Variants in OR1A1 observed in about 807,000 individuals in gnomAD.
OR1A1 encodes olfactory receptor family 1 subfamily A member 1.
For missense variants in OR1A1, 391 were observed against 379.9 expected, an observed-to-expected ratio of 1.03 and a Z score of -0.24; for synonymous variants, 145 against 147.8, an observed-to-expected ratio of 0.98 and a Z score of 0.13.
chr17:3,210,120 C>G (rs1302949454), intron 2 of OR1A1, among the ~76,000 whole-genome samples: 3 of 151,864 alleles, frequency 2.0e-5, no homozygotes, highest in Non-Finnish European at 4.4e-5. Context: ...CTAAGTTTCC[C>G]ATATGACAAT....
In OR1A1 at chr17:3,216,542, T is replaced by G. The variant is rs199622010; in HGVS notation, c.922T>G (p.Ser308Ala). The G allele has an allele frequency of 9.9e-6, 16 of 1,610,092 alleles. No individual in the cohort carries two copies. Among genetic ancestry groups the G allele is most frequent in the South Asian group, 9.9e-5 (9 of 90,748 alleles). The change falls in exon 4 of 4, where the codon TCC becomes GCC. Residue 308 changes from serine to alanine, a missense_variant. By Grantham distance (99) the Ser-to-Ala change is moderately conservative (BLOSUM62 1). Transcript: ENST00000641732. ...GCGGAAACTCTTCAACAAGAGAATC[T>G]CCTCGTAACCAATGTGAGGGCCTAC... Reference protein sequence around the residue: ...ALRKLFNKRISS With the variant: ...ALRKLFNKRIAS
rs201868792 is a variant in OR1A1, at chr17:3,216,546, C to T, written c.926C>T (p.Ser309Leu). 156 of 1,607,954 alleles carry T rather than the reference C, an allele frequency of 9.7e-5. 1 individual carries two copies. The East Asian group carries it at 1.6e-3, about 17-fold the overall frequency. The change falls in exon 4 of 4, where the codon TCG (serine) becomes TTG (leucine). Residue 309 changes from serine (S) to leucine (L), a missense_variant. Coordinates refer to ENST00000641732, the MANE Select transcript of OR1A1 (RefSeq NM_014565.3). ...LRKLFNKRISS is the reference protein window; with the variant it reads ...LRKLFNKRISL ...AAACTCTTCAACAAGAGAATCTCCT[C>T]GTAACCAATGTGAGGGCCTACATTG...
intron 2 of OR1A1, among the ~76,000 whole-genome samples, chr17:3,211,294 T>C (rs542189047): frequency 6.6e-6 from 1 of 152,274 alleles, no homozygotes; most frequent in East Asian, 1.9e-4. Flanking sequence ...TACCTCACTT[T>C]CTTTCCTCAA....
At chr17:3,208,302 A>T (rs149336643) in intron 1 of OR1A1, among the ~76,000 whole-genome samples, 4 of 152,174 alleles carry the variant, frequency 2.6e-5, no homozygotes, top group African/African-American at 9.6e-5. Flanking sequence ...TGCTTTTCTC[A>T]GTCTTTAGCT....
Position 3,215,791 on chromosome 17 carries a change from C to A in OR1A1, c.171C>A (p.Asn57Lys), listed in dbSNP as rs1372812236. The change falls in exon 4 of 4, where the codon AAC (asparagine) becomes AAA (lysine). Residue 57 changes from asparagine to lysine, a missense_variant. Physicochemically the swap from Asn to Lys is moderately conservative, Grantham distance 94 (BLOSUM62 0). Coordinates refer to ENST00000641732, the MANE Select transcript of OR1A1 (RefSeq NM_014565.3). ...LAICSDVRLH[N>K]PMYFLLANLS... ...TTTGCTCTGATGTTCGCCTTCACAA[C>A]CCCATGTATTTTCTCCTTGCCAACC... The A allele has an allele frequency of 1.9e-6, 3 of 1,614,146 alleles. No individual in the cohort carries two copies. The highest frequency in any genetic ancestry group is 1.7e-4 in the Middle Eastern group (1 of 6,060).
At position 3,211,718 on chromosome 17, in the gene OR1A1, A is replaced by C. The variant is rs1366949119; in HGVS notation, c.-138-749A>C. On this transcript the variant is annotated intron_variant, in intron 2 of 3. Coordinates refer to ENST00000641732, the MANE Select transcript of OR1A1 (RefSeq NM_014565.3). ...TGGTTTGGGGTTGCATTACATTTAG[A>C]GAGTAATTGGAAGAGGACTGACATT... 2.0e-5 allele frequency among the ~76,000 whole-genome samples: 3 copies of C among 152,174 alleles called. No homozygotes were observed. In the East Asian group the frequency reaches 5.8e-4, roughly 29 times the overall value.
At position 3,216,578 on chromosome 17, in the gene OR1A1, G is replaced by A. The variant is rs142284764; in HGVS notation, c.*28G>A. ...AATGTGAGGGCCTACATTGGATACC[G>A]TAGTCACCAGTTACGGTATATTGGA... On this transcript the variant is annotated 3_prime_UTR_variant, in exon 4 of 4. Coordinates refer to ENST00000641732, the MANE Select transcript of OR1A1 (RefSeq NM_014565.3). The A allele has an allele frequency of 5.2e-3, 7,841 of 1,507,278 alleles. 56 individuals carry two copies. Among genetic ancestry groups the A allele is most frequent in the Middle Eastern group, 0.049 (269 of 5,520 alleles). The allele number at this position is 1,507,278 out of a possible 1,614,324, so 93.4% of individuals were successfully genotyped here.
intron 3 of OR1A1, 58 bp from the exon 4 acceptor site, chr17:3,215,558 C>A: frequency 8.1e-7 from 1 of 1,234,876 alleles, no homozygotes; most frequent in Non-Finnish European, 1.2e-6. Flanking sequence ...GAAGGATTAT[C>A]ACTACACACA....
At position 3,217,978 on chromosome 17, in the gene OR1A1, A is replaced by G. The variant is rs1229298655; in HGVS notation, c.*1428A>G. ...GCACAGCAAAAGAAACTATCATCAG[A>G]GTGAACAGGCAACCTACAGAATGGG... On this transcript the variant is annotated 3_prime_UTR_variant, in exon 4 of 4. Transcript: ENST00000641732. The G allele has an allele frequency of 2.0e-5, 3 of 152,234 alleles. No individual in the cohort carries two copies. The highest frequency in any genetic ancestry group is 7.2e-5 in the African/African-American group (3 of 41,458). The allele number at this position is 152,234 out of a possible 1,614,324, so 9.4% of individuals were successfully genotyped here.
rs1202718494 is a variant in OR1A1 at position 3,217,396 on chromosome 17, T to C, written c.*846T>C. Reference sequence around the variant, plus strand: ...CAATGCTATTCCCATCAAACTACCATTGACATTCTTCACAGAATTAGAAAA... The same window carrying C: ...CAATGCTATTCCCATCAAACTACCACTGACATTCTTCACAGAATTAGAAAA... On this transcript the variant is annotated 3_prime_UTR_variant, in exon 4 of 4. Coordinates refer to ENST00000641732, the MANE Select transcript of OR1A1 (RefSeq NM_014565.3). 1.3e-5 allele frequency: 2 copies of C among 152,256 alleles called. No homozygotes were observed. Among genetic ancestry groups the C allele is most frequent in the South Asian group, 4.1e-4 (2 of 4,822 alleles). 9.4% of individuals were successfully genotyped at this position (152,256 alleles called of 1,614,324 possible).
In OR1A1 at chr17:3,207,931, T is replaced by C. The variant is rs750436049; in HGVS notation, c.-626T>C. 6.6e-6 allele frequency: 1 copy of C among 152,188 alleles called. No homozygotes were observed. The highest frequency in any genetic ancestry group is 1.5e-5 in the Non-Finnish European group (1 of 68,058). 9.4% of individuals were successfully genotyped at this position (152,188 alleles called of 1,614,324 possible). A position where few individuals can be genotyped will look rare whatever the true frequency, so the allele number is the denominator to read the frequency against. The stretch of plus-strand genomic sequence containing the variant: ...GACTCCACAGATAGGGACTTAGACA[T>C]TGGAAGAGACTGTATCACAGCAACA... On this transcript the variant is annotated 5_prime_UTR_variant, in exon 1 of 4. Coordinates refer to ENST00000641732, the MANE Select transcript of OR1A1 (RefSeq NM_014565.3).
chr17:3,216,593 G>A lies in OR1A1; in HGVS notation c.*43G>A, dbSNP rs529925065. 1.2e-5 allele frequency: 17 copies of A among 1,450,634 alleles called. No homozygotes were observed. Among genetic ancestry groups the A allele is most frequent in the Admixed American group, 3.9e-5 (2 of 50,644 alleles). The allele number at this position is 1,450,634 out of a possible 1,614,324, so 89.9% of individuals were successfully genotyped here. A position where few individuals can be genotyped will look rare whatever the true frequency, so the allele number is the denominator to read the frequency against. ...ATTGGATACCGTAGTCACCAGTTACGGTATATTGGAAATCCAGTTCTGATG... is the reference window on the plus strand; with the variant it reads ...ATTGGATACCGTAGTCACCAGTTACAGTATATTGGAAATCCAGTTCTGATG... On this transcript the variant is annotated 3_prime_UTR_variant, in exon 4 of 4. Coordinates refer to ENST00000641732, the MANE Select transcript of OR1A1 (RefSeq NM_014565.3).
intron 2 of OR1A1, among the ~76,000 whole-genome samples, chr17:3,212,238 A>G (rs974660169): frequency 2.8e-5 from 4 of 144,476 alleles, no homozygotes; most frequent in East Asian, 2.1e-4. Flanking sequence ...CACTGTATCA[A>G]GGGGCATAAA....
In OR1A1 at chr17:3,207,817, G is replaced by T. The variant is rs574201631; in HGVS notation, c.-740G>T. 8 of 152,276 alleles carry T rather than the reference G, an allele frequency of 5.3e-5. No individual in the cohort carries two copies. Among genetic ancestry groups the T allele is most frequent in the Non-Finnish European group, 8.8e-5 (6 of 68,090 alleles). The allele number at this position is 152,276 out of a possible 1,614,324, so 9.4% of individuals were successfully genotyped here. A position where few individuals can be genotyped will look rare whatever the true frequency, so the allele number is the denominator to read the frequency against. ...GCTGCCCTCAAACGGGATGCTAGCAGGTGCTAGATGAACTAACTGCAAACT... is the reference window on the plus strand; with the variant it reads ...GCTGCCCTCAAACGGGATGCTAGCATGTGCTAGATGAACTAACTGCAAACT... On this transcript the variant is annotated 5_prime_UTR_variant, in exon 1 of 4. It adds an upstream start codon to the 5' untranslated region. Coordinates refer to ENST00000641732, the MANE Select transcript of OR1A1 (RefSeq NM_014565.3).
Position 3,216,133 on chromosome 17 carries a change from C to A in OR1A1, c.513C>A (p.Asn171Lys). The change falls in exon 4 of 4, where the codon AAC (asparagine) becomes AAA (lysine). Residue 171 changes from asparagine to lysine, a missense_variant. By Grantham distance (94) the Asn-to-Lys change is moderately conservative. Transcript: ENST00000641732. ...CAGCTAGTCTGTCCTTCTGTGGCAA[C>A]CAGGAAGTGGCCAACTTCTACTGTG... ...LLTASLSFCG[N>K]QEVANFYCDI... 1 of 1,614,172 alleles carries A rather than the reference C, an allele frequency of 6.2e-7. No homozygotes were observed. Among genetic ancestry groups the A allele is most frequent in the South Asian group, 1.1e-5 (1 of 91,076 alleles).
In OR1A1 at chr17:3,216,417, G is replaced by A. The variant is rs1422036973; in HGVS notation, c.797G>A (p.Ser266Asn). 1 of 1,614,012 alleles carries A rather than the reference G, an allele frequency of 6.2e-7. No homozygotes were observed. The highest frequency in any genetic ancestry group is 1.3e-5 in the African/African-American group (1 of 74,900). ...GTYFRPLTNYSLKDAVITVMY... is the reference protein window; with the variant it reads ...GTYFRPLTNYNLKDAVITVMY... ...TATTTCCGCCCTTTGACCAATTATA[G>A]CCTAAAAGACGCAGTGATCACTGTA... The change falls in exon 4 of 4, where the codon AGC (serine) becomes AAC (asparagine). Residue 266 changes from serine to asparagine, a missense_variant. Physicochemically the swap from Ser to Asn is conservative, Grantham distance 46. Transcript: ENST00000641732.
In OR1A1 at chr17:3,216,394, T is replaced by C. The variant is rs754112902; in HGVS notation, c.774T>C (p.Tyr258=). 3.7e-6 allele frequency: 6 copies of C among 1,614,102 alleles called. No homozygotes were observed. The highest frequency in any genetic ancestry group is 5.1e-6 in the Non-Finnish European group (6 of 1,180,050). ...ATTATGGTACAGTCATGGGCACGTA[T>C]TTCCGCCCTTTGACCAATTATAGCC... ...SLYYGTVMGT[Y]FRPLTNYSLK... is the part of the protein sequence containing the mutation. The change falls in exon 4 of 4, where the codon TAT becomes TAC. Residue 258 remains tyrosine, a synonymous_variant. Coordinates refer to ENST00000641732, the MANE Select transcript of OR1A1 (RefSeq NM_014565.3).
At position 3,207,847 on chromosome 17, in the gene OR1A1, T is replaced by C. The variant is rs1212945726; in HGVS notation, c.-710T>C. Reference sequence around the variant, plus strand: ...TAGATGAACTAACTGCAAACTTCCTTTCTGTGGAGGAGAAGTGAAGGCCAC... The same window carrying C: ...TAGATGAACTAACTGCAAACTTCCTCTCTGTGGAGGAGAAGTGAAGGCCAC... On this transcript the variant is annotated 5_prime_UTR_variant, in exon 1 of 4. Transcript: ENST00000641732. 6.6e-6 allele frequency: 1 copy of C among 152,276 alleles called. No individual in the cohort carries two copies. Among genetic ancestry groups the C allele is most frequent in the African/African-American group, 2.4e-5 (1 of 41,456 alleles). The allele number at this position is 152,276 out of a possible 1,614,324, so 9.4% of individuals were successfully genotyped here.
Position 3,216,544 on chromosome 17 carries a change from C to T in OR1A1, c.924C>T (p.Ser308=). The T allele has an allele frequency of 1.9e-6, 3 of 1,608,904 alleles. No individual in the cohort carries two copies. Among genetic ancestry groups the T allele is most frequent in the East Asian group, 2.2e-5 (1 of 44,798 alleles). ...ALRKLFNKRI[S]S The stretch of plus-strand genomic sequence containing the variant: ...GGAAACTCTTCAACAAGAGAATCTC[C>T]TCGTAACCAATGTGAGGGCCTACAT... The change falls in exon 4 of 4, where the codon TCC becomes TCT. Residue 308 remains serine, a synonymous_variant. Coordinates refer to ENST00000641732, the MANE Select transcript of OR1A1 (RefSeq NM_014565.3).
Sources: allele counts gnomAD v4.1 joint callset (sites outside exome capture counted in the v4.1 genomes callset), GRCh38; gene constraint gnomAD v4.1.1; transcripts MANE v1.5; gene names NCBI Gene and HGNC (gene_info 2026-07-23, HGNC 2026-07-21).